USP4: variants seen among roughly 807,000 people sequenced by gnomAD.
The protein encoded by USP4 is ubiquitin carboxyl-terminal hydrolase 4.
In USP4, 72 loss-of-function variants were observed where a neutral mutation model predicts 118.2. That is an observed-to-expected ratio of 0.61 (90% CI 0.50 to 0.74). The LOEUF (loss-of-function observed/expected upper bound fraction) is 0.74. Ranked by LOEUF, USP4 falls within the 30% of genes least tolerant of loss-of-function variation. The probability of loss-of-function intolerance (pLI) is 0.00; values close to 1 mark genes in which losing one functional copy is unlikely to be tolerated. For missense variants in USP4, 1,037 were observed against 1,185.7 expected, an observed-to-expected ratio of 0.87 and a Z score of 1.84; for synonymous variants, 415 against 440.4, an observed-to-expected ratio of 0.94 and a Z score of 0.72.
intron 16 of USP4, among the ~76,000 whole-genome samples, chr3:49,285,699 G>A (rs2047084434): frequency 6.6e-6 from 1 of 152,170 alleles, no homozygotes; most frequent in Non-Finnish European, 1.5e-5. Flanking sequence ...GTGTCGGTGA[G>A]GCTACAAAAT....
At position 49,294,731 on chromosome 3, in the gene USP4, A is replaced by C. The variant is rs148014694; in HGVS notation, c.1692-133T>G. On this transcript the variant is annotated intron_variant, in intron 13 of 21. Coordinates refer to ENST00000265560, the MANE Select transcript of USP4 (RefSeq NM_003363.4). The stretch of plus-strand genomic sequence containing the variant: ...ATATTTGAGTAGAAAAGGTGGCTAT[A>C]ACTATTGCCAAGACGTTTCTAGAGG... The C allele has an allele frequency of 5.2e-5, 43 of 827,338 alleles. No homozygotes were observed. In the East Asian group the frequency reaches 1.1e-3, roughly 22 times the overall value. 51.2% of individuals were successfully genotyped at this position (827,338 alleles called of 1,614,324 possible).
At chr3:49,323,585 A>G (rs1163210629) in intron 6 of USP4, among the ~76,000 whole-genome samples, 1 of 152,178 alleles carries the variant, frequency 6.6e-6, no homozygotes, top group East Asian at 1.9e-4. Context: ...TCTTGTCAAC[A>G]ACTGGCAACC....
intron 8 of USP4, among the ~76,000 whole-genome samples, chr3:49,306,109 G>A (rs934686534): frequency 2.0e-5 from 3 of 151,758 alleles, no homozygotes; most frequent in African/African-American, 4.9e-5. Flanking sequence ...TTAGAGGACC[G>A]CATATGCATT....
chr3:49,286,216 T>C lies in USP4; in HGVS notation c.2082A>G (p.Gln694=), dbSNP rs777201100. Residue 694 remains glutamine (Q), a synonymous_variant, in exon 16 of 22, where the codon CAA becomes CAG. Coordinates refer to ENST00000265560, the MANE Select transcript of USP4 (RefSeq NM_003363.4). Reference sequence around the variant, plus strand: ...GGCAGGGCTGGCCTTTGATCTTCTTTTGGGTGGTCTCACTGGGGTCATTTC... The same window carrying C: ...GGCAGGGCTGGCCTTTGATCTTCTTCTGGGTGGTCTCACTGGGGTCATTTC... ...EPGNDPSETT[Q]KKIKGQPCPK... The C allele has an allele frequency of 2.4e-5, 38 of 1,614,014 alleles. No individual in the cohort carries two copies. Among genetic ancestry groups the C allele is most frequent in the Non-Finnish European group, 3.1e-5 (36 of 1,180,040 alleles).
rs775892152 is a variant in USP4, at chr3:49,310,688, G to A, written c.886C>T (p.His296Tyr). Residue 296 changes from histidine (H) to tyrosine (Y), a missense_variant, in exon 8 of 22, where the codon CAT becomes TAT. His to Tyr is a moderately conservative substitution (Grantham distance 83). Coordinates refer to ENST00000265560, the MANE Select transcript of USP4 (RefSeq NM_003363.4). Reference protein sequence around the residue: ...SYNCQEPPSSHIQPGLCGLGN... With the variant: ...SYNCQEPPSSYIQPGLCGLGN... Reference sequence around the variant, plus strand: ...AGTCCACAGAGCCCAGGTTGTATATGAGAGGATGGTGGCTCCTGACAATTA... The same window carrying A: ...AGTCCACAGAGCCCAGGTTGTATATAAGAGGATGGTGGCTCCTGACAATTA... 1.9e-6 allele frequency: 3 copies of A among 1,614,200 alleles called. No individual in the cohort carries two copies. In the South Asian group the frequency reaches 3.3e-5, roughly 18 times the overall value.
intron 2 of USP4, among the ~76,000 whole-genome samples, chr3:49,330,203 A>AAAC (rs1378915000): frequency 3.3e-4 from 41 of 122,758 alleles, no homozygotes; most frequent in Admixed American, 8.8e-4. Context: ...AACAAACAAA[A>AAAC]AAAGTTGAAA....
Position 49,284,593 on chromosome 3 carries a change from A to G in USP4, c.2272-9T>C. 6.2e-7 allele frequency: 1 copy of G among 1,611,638 alleles called. No individual in the cohort carries two copies. The highest frequency in any genetic ancestry group is 8.5e-7 in the Non-Finnish European group (1 of 1,177,988). ...ACATGCTTCTCGTAGGCCTATGGGA[A>G]TCAAAGCACTCAGTTCTGCTGGAGA... On this transcript the variant is annotated splice_polypyrimidine_tract_variant and intron_variant, in intron 17 of 21. Coordinates refer to ENST00000265560, the MANE Select transcript of USP4 (RefSeq NM_003363.4).
chr3:49,306,582 G>T (rs1452857139), intron 8 of USP4, among the ~76,000 whole-genome samples: 1 of 151,974 alleles, frequency 6.6e-6, no homozygotes, highest in Non-Finnish European at 1.5e-5. Flanking sequence ...TCATGAGATA[G>T]AAGCTTAAAT....
chr3:49,293,976 A>AT lies in USP4; in HGVS notation c.1883+430dup, dbSNP rs531837818. Reference sequence around the variant, plus strand: ...CCCATCCAGGGGCTGGCACAAGTGCATTTTTTTTTTTTTTTTTGAGATGGA... The same window carrying AT: ...CCCATCCAGGGGCTGGCACAAGTGCATTTTTTTTTTTTTTTTTTGAGATGGA... On this transcript the variant is annotated intron_variant, in intron 14 of 21. Transcript: ENST00000265560. Among the ~76,000 whole-genome samples the AT allele has an allele frequency of 5.7e-3, 768 of 135,546 alleles. 1 individual carries two copies. Among genetic ancestry groups the AT allele is most frequent in the Admixed American group, 0.013 (180 of 13,452 alleles). 88.9% of individuals were successfully genotyped at this position (135,546 alleles called of 152,430 possible). A position where few individuals can be genotyped will look rare whatever the true frequency, so the allele number is the denominator to read the frequency against.
chr3:49,311,778 G>C, intron 6 of USP4, 124 bp from the exon 7 acceptor site: 1 of 1,421,776 alleles, frequency 7.0e-7, no homozygotes, highest in East Asian at 2.6e-5. Flanking sequence ...ATTACAAAAA[G>C]CCTGTATTCA....
intron 8 of USP4, among the ~76,000 whole-genome samples, chr3:49,310,411 A>G (rs2047371483): frequency 6.6e-6 from 1 of 152,190 alleles, no homozygotes; most frequent in Admixed American, 6.5e-5. Context: ...AACCAAACAC[A>G]GAGCTGACTA....
At chr3:49,317,005 G>A in intron 6 of USP4, 1 of 758,564 alleles carries the variant, frequency 1.3e-6, no homozygotes. Flanking sequence ...CTGCTGCCAT[G>A]AAGAAGACGC....
At chr3:49,316,507 C>A (rs1426202598) in intron 6 of USP4, among the ~76,000 whole-genome samples, 1 of 151,956 alleles carries the variant, frequency 6.6e-6, no homozygotes, top group Non-Finnish European at 1.5e-5. Flanking sequence ...TTAGTAGAGA[C>A]AGGGTTTTAC....
At chr3:49,295,148 G>T (rs2047189970) in intron 13 of USP4, among the ~76,000 whole-genome samples, 1 of 151,932 alleles carries the variant, frequency 6.6e-6, no homozygotes, top group South Asian at 2.1e-4. Context: ...AATTAGACGG[G>T]CATGGTGGTG....
chr3:49,300,684 G>A lies in USP4; in HGVS notation c.1295C>T (p.Ala432Val), dbSNP rs778301605. Residue 432 changes from alanine (A) to valine (V), a missense_variant, in exon 11 of 22, where the codon GCA becomes GTA. By Grantham distance (64) the Ala-to-Val change is moderately conservative (BLOSUM62 0). This residue lies in a region of USP4 where 487 missense variants were observed against 534.1 expected (regional missense o/e 0.91). Coordinates refer to ENST00000265560, the MANE Select transcript of USP4 (RefSeq NM_003363.4). Reference protein sequence around the residue: ...DANGRPDAVVAKEAWENHRLR... With the variant: ...DANGRPDAVVVKEAWENHRLR... ...CCTGTGATTCTCCCAGGCTTCCTTT[G>A]CCACCACCTGCGTCAAAGGGATAAA... 1.2e-6 allele frequency: 2 copies of A among 1,613,948 alleles called. No individual in the cohort carries two copies. The highest frequency in any genetic ancestry group is 3.3e-5 in the Admixed American group (2 of 59,982).
chr3:49,307,225 A>G (rs2047327896), intron 8 of USP4, among the ~76,000 whole-genome samples: 1 of 151,974 alleles, frequency 6.6e-6, no homozygotes, highest in African/African-American at 2.4e-5. Context: ...AGGAGTGTGG[A>G]TCACTTGAGG....
chr3:49,320,308 G>A (rs1294724770), intron 6 of USP4, among the ~76,000 whole-genome samples: 2 of 152,156 alleles, frequency 1.3e-5, no homozygotes, highest in Non-Finnish European at 2.9e-5. Flanking sequence ...CGGGCGTGGT[G>A]GCGCATGCCT....
At chr3:49,310,030 C>A (rs1258344491) in intron 8 of USP4, among the ~76,000 whole-genome samples, 1 of 135,228 alleles carries the variant, frequency 7.4e-6, no homozygotes. Flanking sequence ...CTCACTGCAA[C>A]CTCCGCCTCC....
intron 8 of USP4, among the ~76,000 whole-genome samples, chr3:49,309,266 C>T (rs1304793010): frequency 6.6e-6 from 1 of 152,078 alleles, no homozygotes; most frequent in African/African-American, 2.4e-5. Context: ...TCTTGGAAAC[C>T]TGCAAACTTG....
Sources: gnomAD v4.1 joint callset for allele counts (sites outside exome capture counted in the v4.1 genomes callset) on GRCh38, gnomAD v4.1.1 for gene constraint, gnomAD v4.1.1 regional missense constraint, MANE v1.5 for transcripts, NCBI Gene and HGNC (gene_info 2026-07-23, HGNC 2026-07-21) for gene names.